HMMR: variants seen among roughly 807,000 people sequenced by gnomAD.
HMMR encodes the protein hyaluronan mediated motility receptor.
HMMR carries 108 observed loss-of-function variants against 101.0 expected under a neutral mutation model. The observed-to-expected ratio is 1.07, with a 90% CI of 0.92 to 1.25. The LOEUF (loss-of-function observed/expected upper bound fraction) is 1.25, where lower values mean the gene tolerates loss of function less well. Among genes scored for constraint, HMMR ranks in the 50% most tolerant of loss-of-function variants. HMMR has a pLI of 0.00. For synonymous variants in HMMR, 296 were observed against 276.4 expected (o/e 1.07, Z -0.70); for missense variants, 813 against 788.7 (o/e 1.03, Z -0.37).
At chr5:163,465,482 G>A (rs1394045561) in intron 3 of HMMR, among the ~76,000 whole-genome samples, 1 of 152,012 alleles carries the variant, frequency 6.6e-6, no homozygotes, top group Non-Finnish European at 1.5e-5. Context: ...TTACAGGCAC[G>A]CCCCACCACG....
chr5:163,463,690 A>C (rs916764564), intron 1 of HMMR, among the ~76,000 whole-genome samples, 166 bp from the exon 2 acceptor site: 1 of 152,210 alleles, frequency 6.6e-6, no homozygotes, highest in Non-Finnish European at 1.5e-5. Context: ...ATTGTTCTTC[A>C]TAGAGAGGCC....
chr5:163,474,270 A>G, intron 10 of HMMR, 65 bp downstream of exon 10: 1 of 1,231,588 alleles, frequency 8.1e-7, no homozygotes, highest in Non-Finnish European at 1.2e-6. Context: ...ATGTCTCTGA[A>G]CACCTTTAAA....
At chr5:163,484,634 T>C (rs1759410247) in intron 16 of HMMR, among the ~76,000 whole-genome samples, 1 of 152,178 alleles carries the variant, frequency 6.6e-6, no homozygotes, top group African/African-American at 2.4e-5. Flanking sequence ...AATCCACCCA[T>C]TGAAAGTGGA....
chr5:163,463,872 A>C lies in HMMR; in HGVS notation c.63A>C (p.Pro21=). 1 of 1,460,370 alleles carries C rather than the reference A, an allele frequency of 6.8e-7. No individual in the cohort carries two copies. Among genetic ancestry groups the C allele is most frequent in the Non-Finnish European group, 9.1e-7 (1 of 1,094,190 alleles). The allele number at this position is 1,460,370 out of a possible 1,614,324, so 90.5% of individuals were successfully genotyped here. Residue 21 remains proline (P), a synonymous_variant, in exon 2 of 18, where the codon CCA becomes CCC. Transcript: ENST00000393915. The stretch of plus-strand genomic sequence containing the variant: ...TTCCTCTAGGTTGTGCACCATCTCC[A>C]GGTGCTTATGATGTTAAAACTTTAG... ...FNDPSGCAPS[P]GAYDVKTLEV...
chr5:163,469,942 C>T (rs755061419), intron 5 of HMMR, 113 bp downstream of exon 5: 117 of 639,942 alleles, frequency 1.8e-4, no homozygotes, highest in Middle Eastern at 4.2e-4. Flanking sequence ...CCAAGGCAGG[C>T]GGATCACCTG....
At position 163,478,696 on chromosome 5, in the gene HMMR, A is replaced by T; in HGVS notation, c.1281A>T (p.Glu427Asp). The part of the protein sequence containing the change: ...LEEKLKGKEA[E>D]LEKSSAAHTQ... Reference sequence around the variant, plus strand: ...TTCTTTTTCTTAGGAAGGAGGCTGAACTGGAGAAAAGTAGTGCTGCTCATA... The same window carrying T: ...TTCTTTTTCTTAGGAAGGAGGCTGATCTGGAGAAAAGTAGTGCTGCTCATA... The change falls in exon 12 of 18, where the codon GAA (glutamate) becomes GAT (aspartate). Residue 427 changes from glutamate (E) to aspartate (D), a missense_variant. Coordinates refer to ENST00000393915, the MANE Select transcript of HMMR (RefSeq NM_001142556.2). 6.2e-7 allele frequency: 1 copy of T among 1,607,262 alleles called. No homozygotes were observed. The highest frequency in any genetic ancestry group is 1.3e-5 in the African/African-American group (1 of 74,906).
At chr5:163,484,287 G>T in intron 16 of HMMR, 42 bp downstream of exon 16, 2 of 1,063,130 alleles carry the variant, frequency 1.9e-6, no homozygotes, top group East Asian at 2.5e-5. Context: ...ATATTGGAGT[G>T]GGGGTTATTC....
chr5:163,470,297 A>T (rs1039964118), intron 5 of HMMR, among the ~76,000 whole-genome samples: 1 of 152,150 alleles, frequency 6.6e-6, no homozygotes, highest in Non-Finnish European at 1.5e-5. Flanking sequence ...CAGCATATAG[A>T]GGTAAGTGAC....
chr5:163,469,647 GTTC>G lies in HMMR; in HGVS notation c.285_287del (p.Leu96del). The G allele has an allele frequency of 6.2e-7, 1 of 1,609,142 alleles. No individual in the cohort carries two copies. Among genetic ancestry groups the G allele is most frequent in the Non-Finnish European group, 8.5e-7 (1 of 1,178,644 alleles). On this transcript the variant is annotated inframe_deletion, in exon 5 of 18. Transcript: ENST00000393915. Reference sequence around the variant, plus strand: ...TCACCTTGTTTTTGTCCAGATTCGTGTTCTTCTACAGGAACGTGGTGCCCAGGA... The same window carrying G: ...TCACCTTGTTTTTGTCCAGATTCGTGTTCTACAGGAACGTGGTGCCCAGGA...
intron 11 of HMMR, among the ~76,000 whole-genome samples, chr5:163,477,713 A>G (rs953020281): frequency 6.6e-6 from 1 of 152,180 alleles, no homozygotes; most frequent in Non-Finnish European, 1.5e-5. Context: ...TCTGAGCAAA[A>G]CAATCTTAGT....
chr5:163,483,049 C>T lies in HMMR; in HGVS notation c.1562C>T (p.Ala521Val). Residue 521 changes from alanine to valine, a missense_variant, in exon 14 of 18, where the codon GCA becomes GTA. Ala to Val is a moderately conservative substitution (Grantham distance 64, BLOSUM62 0). Transcript: ENST00000393915. ...CTTCTAGATCTGCAGACCAAGTCAG[C>T]ACTAAAGGAAACAGAAATTAAAGAA... ...RMLLDLQTKSALKETEIKEIT... is the reference protein window; with the variant it reads ...RMLLDLQTKSVLKETEIKEIT... The T allele has an allele frequency of 1.2e-6, 2 of 1,611,480 alleles. No individual in the cohort carries two copies. The highest frequency in any genetic ancestry group is 1.7e-6 in the Non-Finnish European group (2 of 1,178,934).
At position 163,473,257 on chromosome 5, in the gene HMMR, A is replaced by T; in HGVS notation, c.725+4A>T. 1 of 1,535,714 alleles carries T rather than the reference A, an allele frequency of 6.5e-7. No individual in the cohort carries two copies. The highest frequency in any genetic ancestry group is 1.7e-5 in the Admixed American group (1 of 57,390). On this transcript the variant is annotated splice_donor_region_variant and intron_variant, in intron 8 of 17. Transcript: ENST00000393915. ...TGGAATACATCGAAGAAATTAGGTAATATGAGCAGTAGCTTTAAATTGAAC... is the reference window on the plus strand; with the variant it reads ...TGGAATACATCGAAGAAATTAGGTATTATGAGCAGTAGCTTTAAATTGAAC...
At chr5:163,467,628 A>G in intron 3 of HMMR, 73 bp from the exon 4 acceptor site, 1 of 801,646 alleles carries the variant, frequency 1.2e-6, no homozygotes, top group South Asian at 1.5e-5. Context: ...TTTTCTGATA[A>G]CTGAAAAACA....
intron 13 of HMMR, 70 bp from the exon 14 acceptor site, chr5:163,482,949 AG>A (rs5872824): frequency 0.2 from 282,670 of 1,389,430 alleles, 12,438 homozygotes; most frequent in African/African-American, 0.25. Flanking sequence ...TGAGGTTTAA[AG>A]AAAAAAAAAG....
At chr5:163,465,258 G>A (rs1758659996) in intron 3 of HMMR, 1 of 157,502 alleles carries the variant, frequency 6.3e-6, no homozygotes, top group African/African-American at 2.4e-5. Context: ...ATAGTCTTGT[G>A]GCTTGTGCAA....
Position 163,473,313 on chromosome 5 carries a change from C to T in HMMR, c.725+60C>T, listed in dbSNP as rs891452037. On this transcript the variant is annotated intron_variant, in intron 8 of 17. Coordinates refer to ENST00000393915, the MANE Select transcript of HMMR (RefSeq NM_001142556.2). ...TTTTTTAATACTCAGTCATTTTCAT[C>T]ATTTTTCTGTTATTTTCCCTGTGCC... The T allele has an allele frequency of 2.0e-6, 3 of 1,498,348 alleles. No homozygotes were observed. In the African/African-American group the frequency reaches 4.2e-5, roughly 21 times the overall value. 92.8% of individuals were successfully genotyped at this position (1,498,348 alleles called of 1,614,324 possible). A position where few individuals can be genotyped will look rare whatever the true frequency, so the allele number is the denominator to read the frequency against.
Position 163,481,945 on chromosome 5 carries a change from C to T in HMMR, c.1386-697C>T, listed in dbSNP as rs141553669. ...ATTTGTTTATTTTGAGTCGGAGTTT[C>T]GCTCTTGTTGCCCAGGCTGGAGTGC... On this transcript the variant is annotated intron_variant, in intron 12 of 17. Transcript: ENST00000393915. 9.0e-3 allele frequency among the ~76,000 whole-genome samples: 1,369 copies of T among 152,138 alleles called. 21 individuals carry two copies. Among genetic ancestry groups the T allele is most frequent in the African/African-American group, 0.031 (1,302 of 41,494 alleles).
At chr5:163,469,411 C>A (rs1280674978) in intron 4 of HMMR, among the ~76,000 whole-genome samples, 1 of 150,296 alleles carries the variant, frequency 6.7e-6, no homozygotes, top group East Asian at 1.9e-4. Flanking sequence ...CTTAATTGTA[C>A]TTGGAACTTA....
At chr5:163,489,204 G>T (rs113148602) in intron 16 of HMMR, 3 of 152,658 alleles carry the variant, frequency 2.0e-5, no homozygotes, top group South Asian at 4.1e-4. Context: ...TCTGCCAGGA[G>T]GGGGAGCTCA....
Sources: gnomAD v4.1 joint callset for allele counts (sites outside exome capture counted in the v4.1 genomes callset) on GRCh38, gnomAD v4.1.1 for gene constraint, MANE v1.5 for transcripts, NCBI Gene and HGNC (gene_info 2026-07-23, HGNC 2026-07-21) for gene names.